Variants in DLG2 observed in about 807,000 individuals in gnomAD.
DLG2 encodes the protein discs large MAGUK scaffold protein 2.
DLG2 carries 45 observed loss-of-function variants against 132.5 expected under a neutral mutation model. That is an observed-to-expected ratio of 0.34 (90% CI 0.27 to 0.44). DLG2 has a LOEUF of 0.44. DLG2 is among the 20% of genes least tolerant of loss of function. DLG2 has a pLI of 1.00. For synonymous variants in DLG2, 424 were observed against 419.6 expected (o/e 1.01, Z -0.13); for missense variants, 1,045 against 1,196.9 (o/e 0.87, Z 1.87).
intron 6 of DLG2, among the ~76,000 whole-genome samples, chr11:84,577,135 C>T (rs536080137): frequency 5.3e-5 from 8 of 152,156 alleles, no homozygotes; most frequent in South Asian, 2.1e-4. Context: ...TTTTGCCTCC[C>T]GCCATGATTC....
chr11:84,924,645 G>A (rs147906256), intron 6 of DLG2, among the ~76,000 whole-genome samples: 17 of 152,128 alleles, frequency 1.1e-4, no homozygotes, highest in Non-Finnish European at 1.9e-4. Flanking sequence ...AGAAAGTGTC[G>A]TCAGTTCTGA....
At chr11:85,503,545 G>C (rs1244867578) in intron 3 of DLG2, among the ~76,000 whole-genome samples, 2 of 152,052 alleles carry the variant, frequency 1.3e-5, no homozygotes, top group African/African-American at 4.8e-5. Flanking sequence ...TTTAAAAGGT[G>C]ATTGGATAAT....
chr11:85,157,483 A>G (rs563090722), intron 4 of DLG2, among the ~76,000 whole-genome samples: 17 of 151,960 alleles, frequency 1.1e-4, no homozygotes, highest in African/African-American at 3.4e-4. Context: ...CTGATTCACC[A>G]TTCGTGAGAG....
intron 6 of DLG2, among the ~76,000 whole-genome samples, chr11:85,031,821 G>A (rs1253848545): frequency 6.6e-6 from 1 of 151,880 alleles, no homozygotes; most frequent in African/African-American, 2.4e-5. Flanking sequence ...GACTTGCTTT[G>A]TCACCTGAGT....
chr11:84,585,532 G>C (rs973965956), intron 6 of DLG2, among the ~76,000 whole-genome samples: 3 of 152,098 alleles, frequency 2.0e-5, no homozygotes, highest in Non-Finnish European at 4.4e-5. Flanking sequence ...AGGTTGTCCA[G>C]CTCCTCAAAA....
intron 6 of DLG2, among the ~76,000 whole-genome samples, chr11:85,063,657 T>G (rs1253073448): frequency 1.3e-5 from 2 of 151,900 alleles, no homozygotes; most frequent in African/African-American, 2.4e-5. Flanking sequence ...TATTTCCCTC[T>G]AACTTGCGTG....
At chr11:83,469,125 C>CT in intron 25 of DLG2, 76 bp downstream of exon 25, 2 of 996,162 alleles carry the variant, frequency 2.0e-6, no homozygotes, top group East Asian at 2.5e-5. Context: ...AGAGTAATGA[C>CT]CAAAAAAAAA....
intron 15 of DLG2, among the ~76,000 whole-genome samples, chr11:83,926,144 G>A (rs903076069): frequency 3.3e-5 from 5 of 151,562 alleles, no homozygotes; most frequent in African/African-American, 1.2e-4. Flanking sequence ...AGTAAATTGT[G>A]TGTACAATTA....
At chr11:84,985,306 A>G (rs888319853) in intron 6 of DLG2, among the ~76,000 whole-genome samples, 1 of 152,196 alleles carries the variant, frequency 6.6e-6, no homozygotes, top group African/African-American at 2.4e-5. Context: ...TTAAAACTGG[A>G]AATTAACTAC....
intron 17 of DLG2, among the ~76,000 whole-genome samples, chr11:83,823,577 C>A (rs764034974): frequency 6.6e-6 from 1 of 152,064 alleles, no homozygotes; most frequent in South Asian, 2.1e-4. Context: ...TTGGCCAGAG[C>A]GCGAGATGAA....
chr11:84,080,343 A>G (rs1212706571), intron 10 of DLG2, among the ~76,000 whole-genome samples: 3 of 152,154 alleles, frequency 2.0e-5, no homozygotes, highest in Non-Finnish European at 2.9e-5. Flanking sequence ...AAACCCTGAA[A>G]CTACCTTCCC....
chr11:84,365,412 A>G (rs1261441846), intron 7 of DLG2, among the ~76,000 whole-genome samples: 6 of 148,566 alleles, frequency 4.0e-5, no homozygotes, highest in Non-Finnish European at 8.9e-5. Context: ...TTTTTTTTTA[A>G]TTAGTCTTGC....
At chr11:85,587,052 C>G (rs997256189) in intron 3 of DLG2, among the ~76,000 whole-genome samples, 2 of 152,044 alleles carry the variant, frequency 1.3e-5, no homozygotes, top group Non-Finnish European at 2.9e-5. Flanking sequence ...TCACTGTGGT[C>G]TGAGAGGGTA....
At chr11:84,067,780 C>T (rs1183439968) in intron 10 of DLG2, among the ~76,000 whole-genome samples, 1 of 152,040 alleles carries the variant, frequency 6.6e-6, no homozygotes, top group Non-Finnish European at 1.5e-5. Context: ...ATTTCACTGA[C>T]CTCATTAGGC....
rs559820245 is a variant in DLG2, at chr11:83,605,358, G to A, written c.1940+27853C>T. Among the ~76,000 whole-genome samples, 11 of 152,208 alleles carry A rather than the reference G, an allele frequency of 7.2e-5. No homozygotes were observed. The East Asian group carries it at 1.7e-3, about 24-fold the overall frequency. On this transcript the variant is annotated intron_variant, in intron 19 of 27. Transcript: ENST00000376104. Reference sequence around the variant, plus strand: ...AAATGAGCTTTTTACGACCCACTCGGCAATGGTATTTAATAACGTGGAGAA... The same window carrying A: ...AAATGAGCTTTTTACGACCCACTCGACAATGGTATTTAATAACGTGGAGAA...
At chr11:84,367,385 T>C (rs1018507530) in intron 7 of DLG2, among the ~76,000 whole-genome samples, 1 of 152,092 alleles carries the variant, frequency 6.6e-6, no homozygotes, top group Admixed American at 6.6e-5. Context: ...AGTGAAACTT[T>C]ATTTACAAAA....
chr11:85,628,091 C>G (rs533748777), upstream of DLG2, among the ~76,000 whole-genome samples: 9 of 152,208 alleles, frequency 5.9e-5, no homozygotes, highest in African/African-American at 1.9e-4. Context: ...AGGAGTCAGA[C>G]GGCTGAGAGG....
At chr11:85,405,149 A>G (rs190812575) in intron 3 of DLG2, among the ~76,000 whole-genome samples, 226 of 152,050 alleles carry the variant, frequency 1.5e-3, no homozygotes, top group Non-Finnish European at 1.9e-3. Context: ...ACTGCTAAGT[A>G]CTATAGATTT....
chr11:84,943,262 C>A (rs1470829367), intron 6 of DLG2, among the ~76,000 whole-genome samples: 2 of 151,140 alleles, frequency 1.3e-5, no homozygotes, highest in Non-Finnish European at 2.9e-5. Flanking sequence ...ATTCAACATT[C>A]GTAGTGATAA....
Sources: allele counts gnomAD v4.1 joint callset (sites outside exome capture counted in the v4.1 genomes callset), GRCh38; gene constraint gnomAD v4.1.1; transcripts MANE v1.5; gene names NCBI Gene and HGNC (gene_info 2026-07-23, HGNC 2026-07-21).